Variants in MFSD2B observed in about 807,000 individuals in gnomAD.
The protein encoded by MFSD2B is sphingosine-1-phosphate transporter MFSD2B.
A neutral mutation model predicts 58.4 loss-of-function variants in MFSD2B; 56 were observed. The observed-to-expected ratio is 0.96, with a 90% CI of 0.77 to 1.20. The LOEUF (loss-of-function observed/expected upper bound fraction) is 1.20, where lower values mean the gene tolerates loss of function less well. Among genes scored for constraint, MFSD2B ranks in the 50% most tolerant of loss-of-function variants. The pLI is 0.00. For synonymous variants in MFSD2B, 287 were observed against 294.4 expected (o/e 0.97, Z 0.26); for missense variants, 645 against 667.6 (o/e 0.97, Z 0.37).
chr2:24,019,138 A>G (rs898872726), intron 6 of MFSD2B, among the ~76,000 whole-genome samples: 7 of 152,012 alleles, frequency 4.6e-5, no homozygotes, highest in African/African-American at 1.7e-4. Flanking sequence ...GGCGTGAGCC[A>G]CCGCGCTCGA....
rs1411979775 is a variant in MFSD2B at position 24,017,970 on chromosome 2, C to A, written c.681+382C>A. ...AAGCCCTTCCTATGACCCATGCCCC[C>A]TCCCCCAGCCCTGACCAGGTGAGCC... On this transcript the variant is annotated intron_variant, in intron 6 of 13. Coordinates refer to ENST00000338315, the MANE Select transcript of MFSD2B (RefSeq NM_001346880.2). This position sits in a 1 kb window ranked among gnomAD's most constrained non-coding sequence, Gnocchi z 4.8. 6.6e-6 allele frequency among the ~76,000 whole-genome samples: 1 copy of A among 152,088 alleles called. No individual in the cohort carries two copies. The highest frequency in any genetic ancestry group is 1.5e-5 in the Non-Finnish European group (1 of 68,020).
chr2:24,014,365 G>A (rs1368139762), intron 2 of MFSD2B, among the ~76,000 whole-genome samples: 1 of 152,098 alleles, frequency 6.6e-6, no homozygotes, highest in Non-Finnish European at 1.5e-5. Flanking sequence ...TGTTGGCCAG[G>A]CTGGTCTCGA....
In MFSD2B at chr2:24,022,693, T is replaced by C; in HGVS notation, c.979-129T>C. ...TAGAATTGGGGCCAGGATTACAACA[T>C]TCATAGCCACCGGTTTGAACCAGGG... On this transcript the variant is annotated intron_variant, in intron 9 of 13. Transcript: ENST00000338315. The surrounding 1 kb of genome is among the most constrained non-coding windows in gnomAD (Gnocchi z 4.5). 1 of 857,610 alleles carries C rather than the reference T, an allele frequency of 1.2e-6. No individual in the cohort carries two copies. Among genetic ancestry groups the C allele is most frequent in the Non-Finnish European group, 1.8e-6 (1 of 562,766 alleles). The allele number at this position is 857,610 out of a possible 1,614,324, so 53.1% of individuals were successfully genotyped here. A position where few individuals can be genotyped will look rare whatever the true frequency, so the allele number is the denominator to read the frequency against.
In MFSD2B at chr2:24,021,190, G is replaced by T. The variant is rs536863465; in HGVS notation, c.682-458G>T. ...TAGGATGACAGGCATGAGCCACCGC[G>T]CCCGGCCCTGCTTCCTCCATTAATC... On this transcript the variant is annotated intron_variant, in intron 6 of 13. Coordinates refer to ENST00000338315, the MANE Select transcript of MFSD2B (RefSeq NM_001346880.2). This position sits in a 1 kb window ranked among gnomAD's most constrained non-coding sequence, Gnocchi z 5.7. Among the ~76,000 whole-genome samples, 6 of 152,130 alleles carry T rather than the reference G, an allele frequency of 3.9e-5. No individual in the cohort carries two copies. The highest frequency in any genetic ancestry group is 1.4e-4 in the African/African-American group (6 of 41,422).
At chr2:24,013,465 T>A (rs1225707475) in intron 2 of MFSD2B, 55 bp downstream of exon 2, 8 of 1,495,108 alleles carry the variant, frequency 5.4e-6, no homozygotes, top group Middle Eastern at 2.4e-4. Flanking sequence ...GGTCTGGTCC[T>A]TCCACCCCCA....
In MFSD2B at chr2:24,012,250, A is replaced by ATTAT. The variant is rs1465606814; in HGVS notation, c.97-1018_97-1015dup. Among the ~76,000 whole-genome samples, 20 of 151,582 alleles carry ATTAT rather than the reference A, an allele frequency of 1.3e-4. No individual in the cohort carries two copies. Among genetic ancestry groups the ATTAT allele is most frequent in the Admixed American group, 5.3e-4 (8 of 15,198 alleles). On this transcript the variant is annotated intron_variant, in intron 1 of 13. Transcript: ENST00000338315. The surrounding 1 kb of genome is among the most constrained non-coding windows in gnomAD (Gnocchi z 4.5). Reference sequence around the variant, plus strand: ...TTAATCAGAGAGGAGATGGGATCTGATTATTTATTTATTTATTTATGACTG... The same window carrying ATTAT: ...TTAATCAGAGAGGAGATGGGATCTGATTATTTATTTATTTATTTATTTATGACTG...
rs747170388 is a variant in MFSD2B at position 24,024,190 on chromosome 2, T to C, written c.1409T>C (p.Leu470Pro). ...LIGAVPTCMI[L>P]AGLCILMVGS... Reference sequence around the variant, plus strand: ...GGCGCCGTGCCCACCTGCATGATCCTTGCTGGGCTCTGCATCCTCATGGTC... The same window carrying C: ...GGCGCCGTGCCCACCTGCATGATCCCTGCTGGGCTCTGCATCCTCATGGTC... Residue 470 changes from leucine to proline, a missense_variant, in exon 13 of 14, where the codon CTT (leucine) becomes CCT (proline). Transcript: ENST00000338315. The surrounding 1 kb of genome is among the most constrained non-coding windows in gnomAD (Gnocchi z 4.3). 4.3e-6 allele frequency: 7 copies of C among 1,613,800 alleles called. No homozygotes were observed. In the South Asian group the frequency reaches 7.7e-5, roughly 18 times the overall value.
Position 24,023,168 on chromosome 2 carries a change from C to A in MFSD2B, c.1098C>A (p.Pro366=). The stretch of plus-strand genomic sequence containing the variant: ...TTGCGATCTTGCTGGCTGCTGTGCC[C>A]ACAGCACCTGTGGCATATGTCGTGG... ...VPFAILLAAV[P]TAPVAYVVAF... Residue 366 remains proline (P), a synonymous_variant, in exon 11 of 14, where the codon CCC becomes CCA. Coordinates refer to ENST00000338315, the MANE Select transcript of MFSD2B (RefSeq NM_001346880.2). The surrounding 1 kb of genome is among the most constrained non-coding windows in gnomAD (Gnocchi z 5.0). 1.9e-6 allele frequency: 3 copies of A among 1,613,500 alleles called. No individual in the cohort carries two copies. Among genetic ancestry groups the A allele is most frequent in the Non-Finnish European group, 2.5e-6 (3 of 1,179,844 alleles).
At chr2:24,014,632 T>A (rs1446563936) in intron 2 of MFSD2B, among the ~76,000 whole-genome samples, 2 of 152,206 alleles carry the variant, frequency 1.3e-5, no homozygotes, top group Admixed American at 6.5e-5. Context: ...GTATATAAAA[T>A]GATCCCATTT....
intron 1 of MFSD2B, chr2:24,013,005 C>T (rs746160498): frequency 6.7e-6 from 2 of 299,382 alleles, no homozygotes; most frequent in Non-Finnish European, 1.2e-5. Context: ...CTTACACGGC[C>T]GTGCTGACTC....
At chr2:24,025,011 G>A (rs1218351980) in intron 13 of MFSD2B, among the ~76,000 whole-genome samples, 1 of 152,166 alleles carries the variant, frequency 6.6e-6, no homozygotes, top group Non-Finnish European at 1.5e-5. Context: ...GGCCAAGCAG[G>A]TACTCAGGAA....
chr2:24,014,763 C>T (rs572717965), intron 2 of MFSD2B, among the ~76,000 whole-genome samples: 2 of 152,200 alleles, frequency 1.3e-5, no homozygotes, highest in South Asian at 2.1e-4. Context: ...TACACCAACT[C>T]GTTAATGTTG....
At chr2:24,013,437 T>G (rs1209942098) in intron 2 of MFSD2B, 27 bp downstream of exon 2, 1 of 1,576,076 alleles carries the variant, frequency 6.3e-7, no homozygotes. Flanking sequence ...GCCCAGTCTC[T>G]GCTGGCATCT....
At position 24,024,112 on chromosome 2, in the gene MFSD2B, C is replaced by T. The variant is rs1024026302; in HGVS notation, c.1331C>T (p.Ala444Val). Residue 444 changes from alanine (A) to valine (V), a missense_variant, in exon 13 of 14, where the codon GCA becomes GTA. Coordinates refer to ENST00000338315, the MANE Select transcript of MFSD2B (RefSeq NM_001346880.2). The surrounding 1 kb of genome is among the most constrained non-coding windows in gnomAD (Gnocchi z 4.3). ...TTCTCCAGGTTCTCGGGGTATAAGG[C>T]AGGGGTCTGCAAGCAAGCAGAGGAG... ...TLSLEFSGYKAGVCKQAEEVV... is the reference protein window; with the variant it reads ...TLSLEFSGYKVGVCKQAEEVV... The T allele has an allele frequency of 1.9e-6, 3 of 1,613,838 alleles. No homozygotes were observed. Among genetic ancestry groups the T allele is most frequent in the Non-Finnish European group, 2.5e-6 (3 of 1,179,808 alleles).
rs767708664 is a variant in MFSD2B at position 24,021,668 on chromosome 2, G to A, written c.702G>A (p.Ala234=). The A allele has an allele frequency of 5.6e-5, 91 of 1,613,124 alleles. No homozygotes were observed. In the East Asian group the frequency reaches 8.2e-4, roughly 15 times the overall value. Residue 234 remains alanine (A), a synonymous_variant, in exon 7 of 14, where the codon GCG becomes GCA. Coordinates refer to ENST00000338315, the MANE Select transcript of MFSD2B (RefSeq NM_001346880.2). This position sits in a 1 kb window ranked among gnomAD's most constrained non-coding sequence, Gnocchi z 5.7. ...CACAGGCCCATCTCTACTGCATTGC[G>A]GCTGCCGTGGTTGTAGTGACTTACC... ...SPNAAHLYCI[A]AAVVVVTYPV...
chr2:24,010,167 CG>C lies in MFSD2B; in HGVS notation c.75del (p.Ser26AlafsTer31), dbSNP rs1558317488. On this transcript the variant is annotated frameshift_variant, in exon 1 of 14. Coordinates refer to ENST00000338315, the MANE Select transcript of MFSD2B (RefSeq NM_001346880.2). LOFTEE classifies it high-confidence loss of function. The part of the protein sequence containing the change: ...QPEPHAPEPG[P>X]GSAKRGREDS... ...GAGCCGCACGCCCCAGAGCCCGGCC[CG>C]GGGAGCGCCAAGCGAGGGCGAGAGG... The C allele has an allele frequency of 3.5e-6, 5 of 1,447,176 alleles. No homozygotes were observed. Among genetic ancestry groups the C allele is most frequent in the Non-Finnish European group, 4.5e-6 (5 of 1,104,636 alleles). 89.6% of individuals were successfully genotyped at this position (1,447,176 alleles called of 1,614,324 possible). A position where few individuals can be genotyped will look rare whatever the true frequency, so the allele number is the denominator to read the frequency against.
At chr2:24,015,335 T>G (rs1299700954) in intron 2 of MFSD2B, among the ~76,000 whole-genome samples, 3 of 151,092 alleles carry the variant, frequency 2.0e-5, no homozygotes, top group Non-Finnish European at 4.4e-5. Context: ...GCCTGTGGTC[T>G]CAGCTACTTG....
chr2:24,013,098 G>T, intron 1 of MFSD2B, 187 bp from the exon 2 acceptor site: 3 of 474,290 alleles, frequency 6.3e-6, no homozygotes, highest in Non-Finnish European at 7.2e-6. Flanking sequence ...AGAGGTCAGG[G>T]TTTAGGATCT....
In MFSD2B at chr2:24,024,125, G is replaced by A. The variant is rs1439907382; in HGVS notation, c.1344G>A (p.Lys448=). 2 of 1,613,902 alleles carry A rather than the reference G, an allele frequency of 1.2e-6. No individual in the cohort carries two copies. The highest frequency in any genetic ancestry group is 4.5e-5 in the East Asian group (2 of 44,872). The change falls in exon 13 of 14, where the codon AAG becomes AAA. Residue 448 remains lysine, a synonymous_variant. Coordinates refer to ENST00000338315, the MANE Select transcript of MFSD2B (RefSeq NM_001346880.2). This position sits in a 1 kb window ranked among gnomAD's most constrained non-coding sequence, Gnocchi z 4.3. ...EFSGYKAGVC[K]QAEEVVVTLK... ...CGGGGTATAAGGCAGGGGTCTGCAA[G>A]CAAGCAGAGGAGGTGGTGGTCACCC... is the stretch of plus-strand genomic sequence containing the variant.
Sources: allele counts gnomAD v4.1 joint callset (sites outside exome capture counted in the v4.1 genomes callset), GRCh38; gene constraint gnomAD v4.1.1; non-coding constraint Gnocchi (gnomAD v3.1); transcripts MANE v1.5; gene names NCBI Gene and HGNC (gene_info 2026-07-23, HGNC 2026-07-21).